Variants in CLIP2 observed in about 807,000 individuals in gnomAD.
The protein encoded by CLIP2 is CAP-Gly domain-containing linker protein 2.
In CLIP2, 41 loss-of-function variants were observed where a neutral mutation model predicts 111.7. The ratio of observed to expected loss-of-function variants is 0.37; its 90% CI spans 0.29 to 0.48. The LOEUF is 0.48. Among genes scored for constraint, CLIP2 ranks in the 20% least tolerant of loss-of-function variants. The pLI is 0.99. For synonymous variants in CLIP2, 660 were observed against 644.2 expected, an observed-to-expected ratio of 1.02 and a Z score of -0.37; for missense variants, 1,160 against 1,422.1, an observed-to-expected ratio of 0.82 and a Z score of 2.96.
Position 74,397,077 on chromosome 7 carries a change from C to T in CLIP2, c.2724C>T (p.Ser908=), listed in dbSNP as rs1554316763. 12 of 1,613,352 alleles carry T rather than the reference C, an allele frequency of 7.4e-6. No homozygotes were observed. The highest frequency in any genetic ancestry group is 9.3e-6 in the Non-Finnish European group (11 of 1,179,760). ...ISQELLRKER[S]LNELRVLLLE... ...TCTGTGCCCGCCTCACCCCCAGGAG[C>T]CTGAACGAACTGCGGGTGTTGCTGC... Residue 908 remains serine, a synonymous_variant, in exon 14 of 17, where the codon AGC becomes AGT. Transcript: ENST00000223398.
intron 12 of CLIP2, among the ~76,000 whole-genome samples, chr7:74,386,916 G>A (rs920527809): frequency 6.6e-6 from 1 of 151,692 alleles, no homozygotes; most frequent in Non-Finnish European, 1.5e-5. Flanking sequence ...CCAGCTACTC[G>A]GGAGGCTGAG....
rs201308919 is a variant in CLIP2, at chr7:74,356,376, G to T, written c.804-34G>T. The T allele has an allele frequency of 7.5e-6, 12 of 1,590,110 alleles. No individual in the cohort carries two copies. The Admixed American group carries it at 1.0e-4, about 13-fold the overall frequency. On this transcript the variant is annotated intron_variant, in intron 4 of 16. Coordinates refer to ENST00000223398, the MANE Select transcript of CLIP2 (RefSeq NM_003388.5). ...GGGAGGCTCTCCAGGCTTTGGGGCCGTGACAGCAGCTTGGGTCTCTCCTGC... is the reference window on the plus strand; with the variant it reads ...GGGAGGCTCTCCAGGCTTTGGGGCCTTGACAGCAGCTTGGGTCTCTCCTGC...
intron 2 of CLIP2, among the ~76,000 whole-genome samples, chr7:74,332,847 G>A (rs956089396): frequency 7.9e-5 from 12 of 152,156 alleles, no homozygotes; most frequent in Admixed American, 6.6e-4. Context: ...GCCCCGTTTG[G>A]CCATGCCTCT....
chr7:74,348,721 C>T (rs533800608), intron 3 of CLIP2, among the ~76,000 whole-genome samples: 50 of 143,092 alleles, frequency 3.5e-4, no homozygotes, highest in African/African-American at 1.2e-3. Flanking sequence ...ACCCAGGAGG[C>T]GGAGGTTGCA....
At chr7:74,324,438 G>A (rs1199075114) in intron 2 of CLIP2, among the ~76,000 whole-genome samples, 1 of 152,210 alleles carries the variant, frequency 6.6e-6, no homozygotes, top group African/African-American at 2.4e-5. Flanking sequence ...TGTGGTGTGT[G>A]GCGTGCCACC....
intron 1 of CLIP2, among the ~76,000 whole-genome samples, chr7:74,305,533 G>A (rs11769265): frequency 3.9e-5 from 6 of 151,990 alleles, no homozygotes; most frequent in Non-Finnish European, 8.8e-5. Flanking sequence ...TCACTTTGTC[G>A]CCCAGGCTGG....
intron 2 of CLIP2, among the ~76,000 whole-genome samples, chr7:74,331,018 A>C (rs1182946276): frequency 6.6e-6 from 1 of 151,870 alleles, no homozygotes; most frequent in African/African-American, 2.4e-5. Context: ...GAGCCTGGCC[A>C]AAATGGCAAA....
chr7:74,393,817 T>C (rs1306129929), intron 13 of CLIP2, among the ~76,000 whole-genome samples: 3 of 152,226 alleles, frequency 2.0e-5, no homozygotes, highest in Admixed American at 2.0e-4. Flanking sequence ...ACAGATGCGA[T>C]GAGGCAATCT....
intron 3 of CLIP2, among the ~76,000 whole-genome samples, chr7:74,351,594 G>A (rs1554307574): frequency 6.6e-6 from 1 of 152,050 alleles, no homozygotes; most frequent in Non-Finnish European, 1.5e-5. Context: ...CCATCACTTT[G>A]GGAGGCTAAG....
intron 16 of CLIP2, among the ~76,000 whole-genome samples, chr7:74,402,895 C>T (rs1429053509): frequency 2.0e-5 from 3 of 152,058 alleles, no homozygotes; most frequent in African/African-American, 7.2e-5. Context: ...CTGCGAGACA[C>T]ATGGGGTCAT....
At chr7:74,311,067 C>T (rs971486843) in intron 1 of CLIP2, among the ~76,000 whole-genome samples, 20 of 151,472 alleles carry the variant, frequency 1.3e-4, no homozygotes, top group Admixed American at 4.0e-4. Flanking sequence ...GCAAGCTCTG[C>T]CCCCTGGGTT....
chr7:74,371,116 C>T (rs1363194821), intron 8 of CLIP2, among the ~76,000 whole-genome samples: 1 of 151,990 alleles, frequency 6.6e-6, no homozygotes, highest in Non-Finnish European at 1.5e-5. Flanking sequence ...TGATGGTAGG[C>T]ACCTGTAATC....
chr7:74,363,894 TC>T (rs1790404299), intron 7 of CLIP2, among the ~76,000 whole-genome samples: 1 of 67,954 alleles, frequency 1.5e-5, no homozygotes, highest in African/African-American at 4.6e-5. Context: ...AGACTCTGTC[TC>T]AAAAAAAAAA....
intron 8 of CLIP2, among the ~76,000 whole-genome samples, chr7:74,366,134 C>A (rs887597286): frequency 2.6e-4 from 40 of 152,022 alleles, no homozygotes; most frequent in African/African-American, 7.7e-4. Context: ...ACCTCCTGGC[C>A]CCCTCCGCTT....
rs782681449 is a variant in CLIP2 at position 74,376,574 on chromosome 7, C to T, written c.2173C>T (p.Arg725Cys). ...GGAGCTGCAGGAGGCCCAGGACCAGCGCCGGGATGCCGAGCTGCGTGTGCA... is the reference window on the plus strand; with the variant it reads ...GGAGCTGCAGGAGGCCCAGGACCAGTGCCGGGATGCCGAGCTGCGTGTGCA... ...RLELQEAQDQRRDAELRVHEL... is the reference protein window; with the variant it reads ...RLELQEAQDQCRDAELRVHEL... The change falls in exon 10 of 17, where the codon CGC becomes TGC. Residue 725 changes from arginine (R) to cysteine (C), a missense_variant. Transcript: ENST00000223398. This position sits in a 1 kb window ranked among gnomAD's most constrained non-coding sequence, Gnocchi z 7.1. 24 of 1,609,734 alleles carry T rather than the reference C, an allele frequency of 1.5e-5. No homozygotes were observed. Among genetic ancestry groups the T allele is most frequent in the Admixed American group, 6.8e-5 (4 of 58,740 alleles).
At chr7:74,393,016 A>C in intron 13 of CLIP2, among the ~76,000 whole-genome samples, 1 of 143,018 alleles carries the variant, frequency 7.0e-6, no homozygotes. Context: ...CCAATTCCCC[A>C]GCCCCTGTAA....
rs199542707 is a variant in CLIP2, at chr7:74,403,875, C to T, written c.*27C>T. ...CCTGAGGGGATACTGTGGAGCAGCC[C>T]AGTCCACACCAGAGCCCCACGCGGC... is the stretch of plus-strand genomic sequence containing the variant. On this transcript the variant is annotated 3_prime_UTR_variant, in exon 17 of 17. Transcript: ENST00000223398. 1.2e-5 allele frequency: 20 copies of T among 1,612,516 alleles called. No individual in the cohort carries two copies. The highest frequency in any genetic ancestry group is 1.7e-4 in the Middle Eastern group (1 of 6,054).
intron 2 of CLIP2, among the ~76,000 whole-genome samples, chr7:74,317,929 C>T (rs527808775): frequency 1.1e-4 from 17 of 152,176 alleles, no homozygotes; most frequent in African/African-American, 4.1e-4. Context: ...CGGTGGCTCA[C>T]GCCTGTAATC....
At chr7:74,351,335 C>T (rs1369864862) in intron 3 of CLIP2, among the ~76,000 whole-genome samples, 4 of 150,360 alleles carry the variant, frequency 2.7e-5, no homozygotes, top group African/African-American at 4.9e-5. Context: ...TGCCTGTAGT[C>T]CCAGCTACTT....
Sources: gnomAD v4.1 joint callset for allele counts (sites outside exome capture counted in the v4.1 genomes callset) on GRCh38, gnomAD v4.1.1 for gene constraint, Gnocchi (gnomAD v3.1) non-coding constraint, MANE v1.5 for transcripts, NCBI Gene and HGNC (gene_info 2026-07-23, HGNC 2026-07-21) for gene names.